Variants in TM6SF2 observed in about 807,000 individuals in gnomAD.
TM6SF2 encodes the protein transmembrane 6 superfamily member 2.
In TM6SF2, 29 loss-of-function variants were observed where a neutral mutation model predicts 41.0. The ratio of observed to expected loss-of-function variants is 0.71; its 90% CI spans 0.53 to 0.96. TM6SF2 has a LOEUF of 0.96. Ranked by LOEUF, TM6SF2 falls within the 50% of genes least tolerant of loss-of-function variation. The pLI is 0.00. For missense variants in TM6SF2, 475 were observed against 499.0 expected (o/e 0.95, Z 0.46); for synonymous variants, 200 against 209.1 (o/e 0.96, Z 0.37).
At chr19:19,268,180 C>A in intron 6 of TM6SF2, 93 bp from the exon 7 acceptor site, 29 of 760,062 alleles carry the variant, frequency 3.8e-5, no homozygotes, top group Non-Finnish European at 5.7e-5. Context: ...CTCCTCCCTT[C>A]TTTCTTTTTT....
intron 6 of TM6SF2, 139 bp downstream of exon 6, chr19:19,268,491 A>G: frequency 7.7e-7 from 1 of 1,296,118 alleles, no homozygotes; most frequent in Non-Finnish European, 1.0e-6. Context: ...TACAGGCATG[A>G]GCCACCGCAC....
intron 9 of TM6SF2, among the ~76,000 whole-genome samples, chr19:19,265,496 G>A (rs1324738210): frequency 1.3e-5 from 2 of 152,110 alleles, no homozygotes; most frequent in East Asian, 1.9e-4. Flanking sequence ...ATGGCTCACT[G>A]CAGCCCCAAC....
chr19:19,273,116 C>A lies in TM6SF2; in HGVS notation c.95+5G>T. 1.3e-6 allele frequency: 2 copies of A among 1,482,070 alleles called. No individual in the cohort carries two copies. Among genetic ancestry groups the A allele is most frequent in the South Asian group, 1.3e-5 (1 of 78,962 alleles). The allele number at this position is 1,482,070 out of a possible 1,614,324, so 91.8% of individuals were successfully genotyped here. On this transcript the variant is annotated splice_donor_5th_base_variant and intron_variant, in intron 1 of 9. Coordinates refer to ENST00000389363, the MANE Select transcript of TM6SF2 (RefSeq NM_001001524.3). ...AAGGCCGCCCTGGCCCCTCTCCGCA[C>A]GCACTGCGAGAGCGCCGAGACGTGG...
At chr19:19,266,761 C>T (rs763197011) in intron 8 of TM6SF2, 152 bp from the exon 9 acceptor site, 2 of 855,750 alleles carry the variant, frequency 2.3e-6, no homozygotes, top group Non-Finnish European at 1.7e-6. Flanking sequence ...CTCTATTTCC[C>T]TTGGGGATCC....
At chr19:19,268,540 C>T (rs991292577) in intron 6 of TM6SF2, 90 bp downstream of exon 6, 1 of 1,472,004 alleles carries the variant, frequency 6.8e-7, no homozygotes. Context: ...GGAGAACCTT[C>T]CACAGAAATT....
Position 19,273,212 on chromosome 19 carries a change from C to A in TM6SF2, c.4G>T (p.Asp2Tyr). M[D>Y]IPPLAGKIAA... is the part of the protein sequence containing the mutation. ...ATCTTGCCGGCCAGCGGCGGGATGT[C>A]CATAGCGGCGGCTGCTGGACCCCGG... The change falls in exon 1 of 10, where the codon GAC (aspartate) becomes TAC (tyrosine). Residue 2 changes from aspartate (D) to tyrosine (Y), a missense_variant. Asp to Tyr is a radical substitution (Grantham distance 160). This residue lies in a region of TM6SF2 where 238 missense variants were observed against 228.6 expected (regional missense o/e 1.04). Coordinates refer to ENST00000389363, the MANE Select transcript of TM6SF2 (RefSeq NM_001001524.3). The A allele has an allele frequency of 7.0e-7, 1 of 1,421,528 alleles. No homozygotes were observed. The highest frequency in any genetic ancestry group is 9.2e-7 in the Non-Finnish European group (1 of 1,088,752). 88.1% of individuals were successfully genotyped at this position (1,421,528 alleles called of 1,614,324 possible). A position where few individuals can be genotyped will look rare whatever the true frequency, so the allele number is the denominator to read the frequency against.
intron 1 of TM6SF2, among the ~76,000 whole-genome samples, chr19:19,272,644 GC>G (rs2061027912): frequency 6.6e-6 from 1 of 151,776 alleles, no homozygotes. Flanking sequence ...TGGTTAGCCA[GC>G]CCTGAACAAG....
At chr19:19,273,061 T>TGGGCCC in intron 1 of TM6SF2, 60 bp downstream of exon 1, 6 of 305,462 alleles carry the variant, frequency 2.0e-5, no homozygotes, top group Non-Finnish European at 2.4e-5. Context: ...CCTCCAGTCC[T>TGGGCCC]CCCCGCCCCC....
intron 5 of TM6SF2, among the ~76,000 whole-genome samples, chr19:19,269,188 C>T (rs1315956121): frequency 6.6e-6 from 1 of 152,204 alleles, no homozygotes; most frequent in Non-Finnish European, 1.5e-5. Context: ...TCCATGGCTC[C>T]CTAGTGCCCA....
chr19:19,271,573 C>T (rs774069430), intron 1 of TM6SF2, among the ~76,000 whole-genome samples: 5 of 151,916 alleles, frequency 3.3e-5, no homozygotes, highest in Non-Finnish European at 5.9e-5. Context: ...CACTGACACC[C>T]AGGCTGGAGT....
chr19:19,267,616 C>G lies in TM6SF2; in HGVS notation c.804+5G>C. 1 of 1,611,802 alleles carries G rather than the reference C, an allele frequency of 6.2e-7. No homozygotes were observed. The highest frequency in any genetic ancestry group is 8.5e-7 in the Non-Finnish European group (1 of 1,178,836). On this transcript the variant is annotated splice_donor_5th_base_variant and intron_variant, in intron 8 of 9. Transcript: ENST00000389363. ...GGTGTGGTCTTCTCCCCGCTCCCCT[C>G]TCACCTGCACCTTAGGGTAGGCCAC...
At chr19:19,265,336 C>T (rs1305503408) in intron 9 of TM6SF2, among the ~76,000 whole-genome samples, 2 of 151,882 alleles carry the variant, frequency 1.3e-5, no homozygotes, top group African/African-American at 4.8e-5. Flanking sequence ...GCATAAGCCA[C>T]CATGCCTGGC....
chr19:19,270,421 G>T lies in TM6SF2; in HGVS notation c.221C>A (p.Thr74Asn). ...LYAVFAVFAF[T>N]SVVDLIIALQ... ...AGCGATGATGAGGTCCACAACCGAG[G>T]TGAAGGCGAAGACAGCGAAGACTGC... Residue 74 changes from threonine (T) to asparagine (N), a missense_variant, in exon 3 of 10, where the codon ACC becomes AAC. Around this residue, in one of 3 missense-constraint regions of TM6SF2, gnomAD observed 238 missense variants for 228.6 expected, o/e 1.04. Coordinates refer to ENST00000389363, the MANE Select transcript of TM6SF2 (RefSeq NM_001001524.3). The T allele has an allele frequency of 1.2e-6, 2 of 1,613,360 alleles. No individual in the cohort carries two copies. Among genetic ancestry groups the T allele is most frequent in the Middle Eastern group, 3.3e-4 (2 of 6,062 alleles).
At chr19:19,272,338 G>GT (rs1414619735) in intron 1 of TM6SF2, among the ~76,000 whole-genome samples, 1 of 152,156 alleles carries the variant, frequency 6.6e-6, no homozygotes, top group Non-Finnish European at 1.5e-5. Context: ...ATCCTTAACC[G>GT]TAACTATGAG....
rs776921682 is a variant in TM6SF2, at chr19:19,268,582, A to C, written c.609+48T>G. Reference sequence around the variant, plus strand: ...TTGACCAAAAGCAACTGACACGGGGAAAGTTCAGGCACATTGGGACAAGGC... The same window carrying C: ...TTGACCAAAAGCAACTGACACGGGGCAAGTTCAGGCACATTGGGACAAGGC... On this transcript the variant is annotated intron_variant, in intron 6 of 9. Transcript: ENST00000389363. 9.2e-6 allele frequency: 14 copies of C among 1,515,748 alleles called. No individual in the cohort carries two copies. The Admixed American group carries it at 3.3e-4, about 36-fold the overall frequency. The allele number at this position is 1,515,748 out of a possible 1,614,324, so 93.9% of individuals were successfully genotyped here. A position where few individuals can be genotyped will look rare whatever the true frequency, so the allele number is the denominator to read the frequency against.
intron 1 of TM6SF2, among the ~76,000 whole-genome samples, chr19:19,272,423 C>A (rs1167348120): frequency 6.6e-6 from 1 of 152,164 alleles, no homozygotes; most frequent in African/African-American, 2.4e-5. Context: ...CACCCAGGAT[C>A]CCAGGAGATG....
intron 1 of TM6SF2, among the ~76,000 whole-genome samples, chr19:19,272,629 G>C (rs1236352225): frequency 6.6e-6 from 1 of 151,730 alleles, no homozygotes; most frequent in African/African-American, 2.4e-5. Context: ...CTGAGTCTAG[G>C]GACATGGTTA....
chr19:19,273,228 T>C lies in TM6SF2; in HGVS notation c.-13A>G. 7.1e-7 allele frequency: 1 copy of C among 1,399,814 alleles called. No homozygotes were observed. 86.7% of individuals were successfully genotyped at this position (1,399,814 alleles called of 1,614,324 possible). A position where few individuals can be genotyped will look rare whatever the true frequency, so the allele number is the denominator to read the frequency against. ...GCGGGATGTCCATAGCGGCGGCTGC[T>C]GGACCCCGGCTCAGCCCCGACGCGT... On this transcript the variant is annotated 5_prime_UTR_variant, in exon 1 of 10. Coordinates refer to ENST00000389363, the MANE Select transcript of TM6SF2 (RefSeq NM_001001524.3).
In TM6SF2 at chr19:19,267,789, A is replaced by G. The variant is rs1161371056; in HGVS notation, c.712-76T>C. 1.8e-5 allele frequency: 25 copies of G among 1,410,786 alleles called. No homozygotes were observed. The Admixed American group carries it at 4.8e-4, about 27-fold the overall frequency. The allele number at this position is 1,410,786 out of a possible 1,614,324, so 87.4% of individuals were successfully genotyped here. Reference sequence around the variant, plus strand: ...GCCTCCCCCACCCTCCCAGGCCCACACCCCTTGCTCTGGCCTCTCCCAGCC... The same window carrying G: ...GCCTCCCCCACCCTCCCAGGCCCACGCCCCTTGCTCTGGCCTCTCCCAGCC... On this transcript the variant is annotated intron_variant, in intron 7 of 9. Coordinates refer to ENST00000389363, the MANE Select transcript of TM6SF2 (RefSeq NM_001001524.3).
Sources: allele counts gnomAD v4.1 joint callset (sites outside exome capture counted in the v4.1 genomes callset), GRCh38; gene constraint gnomAD v4.1.1; regional missense constraint gnomAD v4.1.1; transcripts MANE v1.5; gene names NCBI Gene and HGNC (gene_info 2026-07-23, HGNC 2026-07-21).